ALX4: variants seen among roughly 807,000 people sequenced by gnomAD.
ALX4 encodes the protein ALX homeobox 4, also known as homeobox protein aristaless-like 4.
ALX4 carries 22 observed loss-of-function variants against 40.6 expected under a neutral mutation model. The ratio of observed to expected loss-of-function variants is 0.54; its 90% CI spans 0.39 to 0.77. ALX4 has a LOEUF of 0.77. Among genes scored for constraint, ALX4 ranks in the 30% least tolerant of loss-of-function variants. The pLI is 0.00. For synonymous variants in ALX4, 266 were observed against 240.5 expected (o/e 1.11, Z -0.98); for missense variants, 556 against 564.8 (o/e 0.98, Z 0.16).
chr11:44,265,336 CT>C (rs1956207379), intron 3 of ALX4, among the ~76,000 whole-genome samples, 153 bp from the exon 4 acceptor site: 1 of 152,154 alleles, frequency 6.6e-6, no homozygotes, highest in South Asian at 2.1e-4. Context: ...CCAGATACCC[CT>C]GTGGGGGTGG....
chr11:44,264,973 G>A lies in ALX4; in HGVS notation c.1117C>T (p.Leu373Phe), dbSNP rs148027225. Residue 373 changes from leucine to phenylalanine, a missense_variant, in exon 4 of 4, where the codon CTC becomes TTC. By Grantham distance (22) the Leu-to-Phe change is conservative. Coordinates refer to ENST00000652299, the MANE Select transcript of ALX4 (RefSeq NM_021926.4). The part of the protein sequence containing the change: ...HMGSLFGAAS[L>F]SPGLNGYELN... ...TCGTAGCCATTGAGGCCTGGGCTGA[G>A]GCTGGCTGCTCCAAACAGGCTGCCC... 695 of 1,613,202 alleles carry A rather than the reference G, an allele frequency of 4.3e-4. 3 individuals are homozygous for A. The African/African-American group carries it at 7.5e-3, about 17-fold the overall frequency.
At position 44,265,147 on chromosome 11, in the gene ALX4, C is replaced by G. The variant is rs1028561582; in HGVS notation, c.943G>C (p.Ala315Pro). 10 of 1,606,818 alleles carry G rather than the reference C, an allele frequency of 6.2e-6. No individual in the cohort carries two copies. Among genetic ancestry groups the G allele is most frequent in the Non-Finnish European group, 8.5e-6 (10 of 1,175,644 alleles). The change falls in exon 4 of 4, where the codon GCC becomes CCC. Residue 315 changes from alanine to proline, a missense_variant. By Grantham distance (27) the Ala-to-Pro change is conservative (BLOSUM62 -1). Coordinates refer to ENST00000652299, the MANE Select transcript of ALX4 (RefSeq NM_021926.4). ...NPSWLGNNGAASPVPACVVPC... is the reference protein window; with the variant it reads ...NPSWLGNNGAPSPVPACVVPC... ...ACCACGCAGGCTGGCACTGGTGAGG[C>G]AGCCCCGTTGTTGCCGAGCCAGGAC...
At chr11:44,274,641 G>T in intron 2 of ALX4, among the ~76,000 whole-genome samples, 1 of 152,112 alleles carries the variant, frequency 6.6e-6, no homozygotes, top group East Asian at 1.9e-4. Context: ...GTGTTGGGTT[G>T]CACTGAGTTG....
At chr11:44,289,378 A>G (rs1267586945) in intron 1 of ALX4, among the ~76,000 whole-genome samples, 2 of 152,168 alleles carry the variant, frequency 1.3e-5, no homozygotes, top group Non-Finnish European at 2.9e-5. Flanking sequence ...AATGCCTTGT[A>G]TTCGTGTTGC....
chr11:44,281,614 C>A (rs977359217), intron 1 of ALX4, among the ~76,000 whole-genome samples: 1 of 152,014 alleles, frequency 6.6e-6, no homozygotes, highest in South Asian at 2.1e-4. Flanking sequence ...AACAGGCCAG[C>A]ATGAGGCCCT....
intron 3 of ALX4, among the ~76,000 whole-genome samples, chr11:44,265,734 G>C (rs989944731): frequency 1.3e-5 from 2 of 152,098 alleles, no homozygotes; most frequent in African/African-American, 4.8e-5. Flanking sequence ...TGAGGTTCCA[G>C]GGCCTGAACT....
chr11:44,273,529 C>T (rs1335287918), intron 2 of ALX4, among the ~76,000 whole-genome samples: 6 of 152,132 alleles, frequency 3.9e-5, no homozygotes, highest in Non-Finnish European at 5.9e-5. Context: ...TGATGCTCTG[C>T]GTTTGGCTTT....
chr11:44,265,431 T>C (rs1276233875), intron 3 of ALX4, among the ~76,000 whole-genome samples: 1 of 152,128 alleles, frequency 6.6e-6, no homozygotes, highest in Non-Finnish European at 1.5e-5. Flanking sequence ...TCAGGCTTCA[T>C]TAAGGGTCCA....
chr11:44,308,393 G>A (rs1033911853), intron 1 of ALX4, among the ~76,000 whole-genome samples: 5 of 152,230 alleles, frequency 3.3e-5, no homozygotes, highest in African/African-American at 1.2e-4. Flanking sequence ...CCCAGGCCTA[G>A]TGCCTCTCCA....
chr11:44,290,360 CT>C (rs1407998323), intron 1 of ALX4, among the ~76,000 whole-genome samples: 1 of 152,130 alleles, frequency 6.6e-6, no homozygotes, highest in East Asian at 1.9e-4. Flanking sequence ...GGCTCTGCCA[CT>C]TATTTGCTAC....
rs563947223 is a variant in ALX4, at chr11:44,294,044, G to A, written c.466+15553C>T. ...CCGTCTACAGAGCTCTCACATGCTG[G>A]TCAAGTCTGATGGGCACATAGGCAT... On this transcript the variant is annotated intron_variant, in intron 1 of 3. Coordinates refer to ENST00000652299, the MANE Select transcript of ALX4 (RefSeq NM_021926.4). Among the ~76,000 whole-genome samples the A allele has an allele frequency of 2.0e-5, 3 of 152,338 alleles. No homozygotes were observed. In the East Asian group the frequency reaches 5.8e-4, roughly 29 times the overall value.
chr11:44,269,097 A>C (rs1956230164), intron 2 of ALX4, among the ~76,000 whole-genome samples: 1 of 152,194 alleles, frequency 6.6e-6, no homozygotes. Flanking sequence ...TCTGCCTCAG[A>C]GCCTTTGAGC....
intron 1 of ALX4, among the ~76,000 whole-genome samples, chr11:44,308,585 G>A (rs920340952): frequency 6.6e-6 from 1 of 152,260 alleles, no homozygotes; most frequent in Non-Finnish European, 1.5e-5. Context: ...AAGAAGAGAA[G>A]GCCTAGGCTA....
chr11:44,279,712 G>C (rs1222137034), intron 1 of ALX4, among the ~76,000 whole-genome samples: 2 of 152,116 alleles, frequency 1.3e-5, no homozygotes, highest in Non-Finnish European at 1.5e-5. Flanking sequence ...AGCCCTCCCA[G>C]ATTGTGACTG....
chr11:44,305,194 A>T (rs566314509), intron 1 of ALX4, among the ~76,000 whole-genome samples: 1 of 152,290 alleles, frequency 6.6e-6, no homozygotes, highest in South Asian at 2.1e-4. Flanking sequence ...AATTCTTCCA[A>T]CTTTCCTCCT....
At position 44,261,625 on chromosome 11, in the gene ALX4, T is replaced by G. The variant is rs982265277; in HGVS notation, c.*3229A>C. The G allele has an allele frequency of 6.6e-6, 1 of 152,206 alleles. No homozygotes were observed. The highest frequency in any genetic ancestry group is 2.4e-5 in the African/African-American group (1 of 41,450). 9.4% of individuals were successfully genotyped at this position (152,206 alleles called of 1,614,324 possible). A position where few individuals can be genotyped will look rare whatever the true frequency, so the allele number is the denominator to read the frequency against. On this transcript the variant is annotated 3_prime_UTR_variant, in exon 4 of 4. Coordinates refer to ENST00000652299, the MANE Select transcript of ALX4 (RefSeq NM_021926.4). ...CCATGCCCCAGGAGTAGTGCTGGCA[T>G]CTGGAGGGCAGTAGCAGCACCTTAG... is the stretch of plus-strand genomic sequence containing the variant.
In ALX4 at chr11:44,296,110, G is replaced by A. The variant is rs114951240; in HGVS notation, c.466+13487C>T. ...ACTTCACATCAGAAGATCATTCAGG[G>A]GCCAGATAGACAAATGCAACAGAAT... On this transcript the variant is annotated intron_variant, in intron 1 of 3. Transcript: ENST00000652299. Among the ~76,000 whole-genome samples the A allele has an allele frequency of 8.9e-3, 1,362 of 152,302 alleles. 18 individuals are homozygous for A. The highest frequency in any genetic ancestry group is 0.031 in the African/African-American group (1,284 of 41,564).
chr11:44,280,233 C>T (rs1339264079), intron 1 of ALX4, among the ~76,000 whole-genome samples: 1 of 152,220 alleles, frequency 6.6e-6, no homozygotes, highest in East Asian at 1.9e-4. Context: ...GAGCAAGGGA[C>T]AGAAGGAGAA....
At chr11:44,284,186 C>T (rs1005122215) in intron 1 of ALX4, among the ~76,000 whole-genome samples, 45 of 145,722 alleles carry the variant, frequency 3.1e-4, no homozygotes, top group Non-Finnish European at 4.6e-4. Flanking sequence ...CAATATGGGT[C>T]TATGGGTTAA....
Sources: allele counts gnomAD v4.1 joint callset (sites outside exome capture counted in the v4.1 genomes callset), GRCh38; gene constraint gnomAD v4.1.1; transcripts MANE v1.5; gene names NCBI Gene and HGNC (gene_info 2026-07-23, HGNC 2026-07-21).